The following IFIH1 variants were observed in gnomAD, a reference collection of about 807,000 sequenced individuals.
The protein encoded by IFIH1 is interferon induced with helicase C domain 1.
In IFIH1, 125 loss-of-function variants were observed where a neutral mutation model predicts 107.4. The observed-to-expected ratio is 1.16, with a 90% CI of 1.01 to 1.35. The LOEUF (loss-of-function observed/expected upper bound fraction) is 1.35, where lower values mean the gene tolerates loss of function less well. IFIH1 is among the 40% of genes most tolerant of loss of function. The pLI is 0.00. For synonymous variants in IFIH1, 458 were observed against 413.2 expected (o/e 1.11, Z -1.31); for missense variants, 1,333 against 1,213.7 (o/e 1.10, Z -1.46).
chr2:162,268,199 T>C lies in IFIH1; in HGVS notation c.2695A>G (p.Asn899Asp). ...CAAAGGAAAGTTATTAGTGATGGGT[T>C]ATTCTTGTAATGCTTGGCAATATTT... The part of the protein sequence containing the change: ...KRNIAKHYKN[N>D]PSLITFLCKN... Residue 899 changes from asparagine to aspartate, a missense_variant, in exon 14 of 16, where the codon AAC (asparagine) becomes GAC (aspartate). Asn to Asp is a conservative substitution (Grantham distance 23, BLOSUM62 1). Coordinates refer to ENST00000649979, the MANE Select transcript of IFIH1 (RefSeq NM_022168.4). 1 of 1,612,962 alleles carries C rather than the reference T, an allele frequency of 6.2e-7. No homozygotes were observed.
chr2:162,274,121 T>G (rs1319011518), intron 11 of IFIH1, among the ~76,000 whole-genome samples, 177 bp from the exon 12 acceptor site: 1 of 152,174 alleles, frequency 6.6e-6, no homozygotes, highest in East Asian at 1.9e-4. Context: ...GAGACAACAT[T>G]TGATTTCCAA....
chr2:162,312,444 G>A (rs1277287995), intron 1 of IFIH1, among the ~76,000 whole-genome samples: 1 of 152,130 alleles, frequency 6.6e-6, no homozygotes, highest in East Asian at 1.9e-4. Context: ...ACCTCTCTGA[G>A]GTCACAAAGT....
chr2:162,275,799 C>CT (rs1213514262), intron 11 of IFIH1, among the ~76,000 whole-genome samples: 3 of 152,060 alleles, frequency 2.0e-5, no homozygotes, highest in Admixed American at 1.3e-4. Flanking sequence ...CTACTAGTGC[C>CT]TTTTTTTCTT....
intron 8 of IFIH1, among the ~76,000 whole-genome samples, chr2:162,279,664 G>A (rs1394865360): frequency 2.6e-5 from 4 of 152,028 alleles, no homozygotes; most frequent in South Asian, 4.1e-4. Context: ...TGGAATTCAC[G>A]AAGAAAATTA....
chr2:162,318,205 G>A lies in IFIH1; in HGVS notation c.103C>T (p.Leu35=), dbSNP rs75342243. 2.0e-4 allele frequency: 321 copies of A among 1,614,186 alleles called. 2 individuals carry two copies. The East Asian group carries it at 6.6e-3, about 33-fold the overall frequency. Residue 35 remains leucine, a synonymous_variant, in exon 1 of 16, where the codon CTG becomes TTG. Coordinates refer to ENST00000649979, the MANE Select transcript of IFIH1 (RefSeq NM_022168.4). ...YIQVEPVLDY[L]TFLPAEVKEQ... ...TTCACCTCTGCAGGCAGAAAGGTCAGGTAGTCCAGCACAGGCTCCACCTGG... is the reference window on the plus strand; with the variant it reads ...TTCACCTCTGCAGGCAGAAAGGTCAAGTAGTCCAGCACAGGCTCCACCTGG...
chr2:162,288,110 C>T (rs756461634), intron 5 of IFIH1, 25 bp downstream of exon 5: 14 of 1,422,362 alleles, frequency 9.8e-6, no homozygotes, highest in Non-Finnish European at 1.3e-5. Context: ...AAATGATCAA[C>T]TAGTGTTATG....
At chr2:162,302,649 C>A (rs1683212892) in intron 3 of IFIH1, among the ~76,000 whole-genome samples, 1 of 152,168 alleles carries the variant, frequency 6.6e-6, no homozygotes, top group African/African-American at 2.4e-5. Context: ...AAACTTCAAT[C>A]AAAAGAACTC....
intron 5 of IFIH1, among the ~76,000 whole-genome samples, chr2:162,287,561 T>TTA (rs769634827): frequency 1.7e-4 from 25 of 151,308 alleles, no homozygotes; most frequent in African/African-American, 3.6e-4. Flanking sequence ...TGTGTATATT[T>TTA]TATATATATA....
In IFIH1 at chr2:162,318,377, T is replaced by C; in HGVS notation, c.-70A>G. The C allele has an allele frequency of 7.8e-7, 1 of 1,290,068 alleles. No homozygotes were observed. The highest frequency in any genetic ancestry group is 1.1e-6 in the Non-Finnish European group (1 of 906,266). The allele number at this position is 1,290,068 out of a possible 1,614,324, so 79.9% of individuals were successfully genotyped here. On this transcript the variant is annotated 5_prime_UTR_variant, in exon 1 of 16. Coordinates refer to ENST00000649979, the MANE Select transcript of IFIH1 (RefSeq NM_022168.4). ...GCTGTTGTCTGCGGGACAGGTGAAA[T>C]GTGCGTGCCGCTGTCCGCTGCCCAC...
intron 3 of IFIH1, among the ~76,000 whole-genome samples, chr2:162,294,483 A>C (rs143499945): frequency 6.6e-6 from 1 of 151,966 alleles, no homozygotes; most frequent in Non-Finnish European, 1.5e-5. Flanking sequence ...AAAATAAAGC[A>C]ATGGTGGTTA....
intron 3 of IFIH1, among the ~76,000 whole-genome samples, chr2:162,299,825 C>T (rs1683160786): frequency 1.3e-5 from 2 of 152,142 alleles, no homozygotes; most frequent in South Asian, 4.1e-4. Flanking sequence ...ATCCTACCGC[C>T]CTCCTCCACA....
intron 10 of IFIH1, among the ~76,000 whole-genome samples, chr2:162,277,210 T>C (rs1321250709): frequency 6.6e-6 from 1 of 152,178 alleles, no homozygotes; most frequent in African/African-American, 2.4e-5. Context: ...TACAATTGTC[T>C]TGACAATAAA....
At chr2:162,314,421 TTTCTTTCTTTC>T (rs1558877480) in intron 1 of IFIH1, among the ~76,000 whole-genome samples, 999 of 73,068 alleles carry the variant, frequency 0.014, 32 homozygotes, top group Non-Finnish European at 0.018. Context: ...CTTTCTTTTC[TTTCTTTCTTTC>T]TTTCTTTCTT....
Position 162,282,513 on chromosome 2 carries a change from C to T in IFIH1, c.1159G>A (p.Val387Ile), listed in dbSNP as rs374766201. The change falls in exon 6 of 16, where the codon GTT becomes ATT. Residue 387 changes from valine to isoleucine, a missense_variant. Physicochemically the swap from Val to Ile is conservative, Grantham distance 29. Transcript: ENST00000649979. ...FQPFLKKWYR[V>I]IGLSGDTQLK... Reference sequence around the variant, plus strand: ...TGGGTATCACCACTTAATCCAATAACACGATACCATTTCTTCAAAAATGGT... The same window carrying T: ...TGGGTATCACCACTTAATCCAATAATACGATACCATTTCTTCAAAAATGGT... 6.2e-7 allele frequency: 1 copy of T among 1,611,746 alleles called. No individual in the cohort carries two copies. The highest frequency in any genetic ancestry group is 1.1e-5 in the South Asian group (1 of 90,978).
intron 10 of IFIH1, 56 bp from the exon 11 acceptor site, chr2:162,277,002 A>C: frequency 8.0e-7 from 1 of 1,248,754 alleles, no homozygotes; most frequent in Non-Finnish European, 1.1e-6. Flanking sequence ...CCACTCCACA[A>C]TGTACAGATA....
chr2:162,288,297 G>T lies in IFIH1; in HGVS notation c.933C>A (p.Tyr311Ter), dbSNP rs1057520076. The change falls in exon 5 of 16, where the codon TAC becomes TAA. Residue 311 changes from tyrosine to a stop codon, truncating the protein, a stop_gained. Coordinates refer to ENST00000649979, the MANE Select transcript of IFIH1 (RefSeq NM_022168.4). LOFTEE classifies it high-confidence loss of function. The stretch of plus-strand genomic sequence containing the variant: ...AGGCTGGCTGGGCAACTTCCATTTG[G>T]TAAGGCCTGAGCTGGAGTTCTGGCT... ...SPEPELQLRP[Y>*]QMEVAQPALE... 50 of 1,612,676 alleles carry T rather than the reference G, an allele frequency of 3.1e-5. No individual in the cohort carries two copies. Among genetic ancestry groups the T allele is most frequent in the Non-Finnish European group, 4.1e-5 (48 of 1,179,244 alleles).
At chr2:162,300,928 G>C (rs747193814) in intron 3 of IFIH1, among the ~76,000 whole-genome samples, 1 of 152,082 alleles carries the variant, frequency 6.6e-6, no homozygotes, top group African/African-American at 2.4e-5. Context: ...ACAGAAATTA[G>C]TATAGACCAA....
At chr2:162,286,638 G>GT (rs1306216881) in intron 5 of IFIH1, among the ~76,000 whole-genome samples, 17 of 151,980 alleles carry the variant, frequency 1.1e-4, no homozygotes, top group Non-Finnish European at 2.2e-4. Flanking sequence ...CTTTGGGAGG[G>GT]TAGATGGTGA....
intron 1 of IFIH1, among the ~76,000 whole-genome samples, chr2:162,313,226 T>G (rs1683411355): frequency 6.6e-6 from 1 of 152,178 alleles, no homozygotes; most frequent in South Asian, 2.1e-4. Flanking sequence ...ATTTTAAAAA[T>G]TTAATATGTT....
Sources: allele counts gnomAD v4.1 joint callset (sites outside exome capture counted in the v4.1 genomes callset), GRCh38; gene constraint gnomAD v4.1.1; transcripts MANE v1.5; gene names NCBI Gene and HGNC (gene_info 2026-07-23, HGNC 2026-07-21).